LIPC: variants seen among roughly 807,000 people sequenced by gnomAD.
LIPC encodes lipase C, hepatic type, also known as hepatic triacylglycerol lipase.
Under a neutral mutation model 50.7 loss-of-function variants are expected in LIPC, and 44 were observed. The ratio of observed to expected loss-of-function variants is 0.87; its 90% confidence interval spans 0.68 to 1.11. The LOEUF (loss-of-function observed/expected upper bound fraction) is 1.11, where lower values mean the gene tolerates loss of function less well. LIPC is among the 50% of genes most tolerant of loss of function. The pLI is 0.00. For synonymous variants in LIPC, 271 were observed against 256.4 expected (o/e 1.06, Z -0.54); for missense variants, 697 against 648.2 (o/e 1.08, Z -0.82).
intron 8 of LIPC, chr15:58,566,271 A>G (rs1894362613): frequency 1.0e-6 from 1 of 985,346 alleles, no homozygotes. Context: ...TGAGGAGGCC[A>G]AGAGGTGTTC....
intron 1 of LIPC, among the ~76,000 whole-genome samples, chr15:58,481,465 T>C (rs887791666): frequency 3.9e-5 from 6 of 152,066 alleles, no homozygotes; most frequent in Non-Finnish European, 7.4e-5. Flanking sequence ...ACTGGATAAA[T>C]AAATCAGGAT....
At chr15:58,494,990 T>A (rs1891717687) in intron 1 of LIPC, 2 of 412,598 alleles carry the variant, frequency 4.8e-6, no homozygotes, top group African/African-American at 4.1e-5. Context: ...CATCAACCGT[T>A]CCACCGGTCC....
intron 6 of LIPC, among the ~76,000 whole-genome samples, chr15:58,549,745 G>A (rs544219410): frequency 6.6e-6 from 1 of 152,182 alleles, no homozygotes; most frequent in Non-Finnish European, 1.5e-5. Context: ...TTTCTTGTGG[G>A]TGCGCACAGC....
chr15:58,538,256 A>G, intron 1 of LIPC, 77 bp from the exon 2 acceptor site: 2 of 1,404,766 alleles, frequency 1.4e-6, no homozygotes, highest in South Asian at 1.2e-5. Flanking sequence ...TGCTTGTAGA[A>G]GCAGCCTTTG....
Position 58,565,357 on chromosome 15 carries a change from C to A in LIPC, c.1388+1634C>A, listed in dbSNP as rs1336144825. The stretch of plus-strand genomic sequence containing the variant: ...TAGGTGGCTGCTCACCCTGACAATC[C>A]CATGTGGCTTGACCTGAAAGGGTGG... On this transcript the variant is annotated intron_variant, in intron 8 of 8. Coordinates refer to ENST00000299022, the MANE Select transcript of LIPC (RefSeq NM_000236.3). 5 of 1,525,138 alleles carry A rather than the reference C, an allele frequency of 3.3e-6. No individual in the cohort carries two copies. In the African/African-American group the frequency reaches 6.9e-5, roughly 21 times the overall value. The allele number at this position is 1,525,138 out of a possible 1,614,324, so 94.5% of individuals were successfully genotyped here.
intron 1 of LIPC, among the ~76,000 whole-genome samples, chr15:58,442,642 C>T (rs1405806176): frequency 1.3e-5 from 2 of 152,262 alleles, no homozygotes; most frequent in East Asian, 1.9e-4. Flanking sequence ...TCAATGAATC[C>T]AGAAAAACAC....
At chr15:58,497,234 G>A (rs530469510) in intron 1 of LIPC, among the ~76,000 whole-genome samples, 5 of 152,114 alleles carry the variant, frequency 3.3e-5, no homozygotes, top group Admixed American at 2.0e-4. Context: ...ACCCCCGACC[G>A]AATGACAAAT....
chr15:58,499,336 A>T (rs1363911483), intron 1 of LIPC, among the ~76,000 whole-genome samples: 1 of 152,196 alleles, frequency 6.6e-6, no homozygotes, highest in African/African-American at 2.4e-5. Context: ...AAACAGACTC[A>T]CACATAGTGG....
intron 7 of LIPC, 68 bp downstream of exon 7, chr15:58,561,049 C>G (rs1202411331): frequency 3.5e-6 from 3 of 852,370 alleles, no homozygotes; most frequent in Non-Finnish European, 6.2e-6. Context: ...TAAATGGACT[C>G]TGTAATTTTC....
chr15:58,524,940 A>C (rs1892758625), intron 1 of LIPC, among the ~76,000 whole-genome samples: 1 of 152,074 alleles, frequency 6.6e-6, no homozygotes, highest in African/African-American at 2.4e-5. Flanking sequence ...ATGTAGTCTA[A>C]TTTAACAATC....
chr15:58,469,461 G>A (rs1894703371), intron 1 of LIPC, among the ~76,000 whole-genome samples: 1 of 152,100 alleles, frequency 6.6e-6, no homozygotes, highest in Non-Finnish European at 1.5e-5. Context: ...AGGGGATTTG[G>A]CTTGGGCTCA....
intron 1 of LIPC, among the ~76,000 whole-genome samples, chr15:58,512,963 A>C (rs1475654605): frequency 2.8e-5 from 4 of 144,418 alleles, no homozygotes; most frequent in Non-Finnish European, 1.5e-5. Context: ...GCATCAACGA[A>C]AAAAAAAAAA....
chr15:58,487,893 A>C (rs1347996664), intron 1 of LIPC, among the ~76,000 whole-genome samples: 1 of 152,214 alleles, frequency 6.6e-6, no homozygotes, highest in Non-Finnish European at 1.5e-5. Flanking sequence ...CAGGAAGGCT[A>C]AAGTCAGGAA....
intron 2 of LIPC, 125 bp from the exon 3 acceptor site, chr15:58,541,643 TCTGGCCCAAAATGTCAA>T: frequency 1.2e-6 from 1 of 850,098 alleles, no homozygotes; most frequent in Non-Finnish European, 1.9e-6. Flanking sequence ...CAAGGAATTC[TCTGGCCCAAAATGTCAA>T]CTGTGCATGG....
chr15:58,443,978 G>A (rs1205922021), intron 1 of LIPC, among the ~76,000 whole-genome samples: 1 of 152,208 alleles, frequency 6.6e-6, no homozygotes, highest in Non-Finnish European at 1.5e-5. Flanking sequence ...AATCACAATG[G>A]TGGAGTGTCA....
intron 2 of LIPC, among the ~76,000 whole-genome samples, chr15:58,539,086 G>T (rs1413505770): frequency 6.6e-6 from 1 of 152,216 alleles, no homozygotes; most frequent in Non-Finnish European, 1.5e-5. Context: ...CCATCTTGGG[G>T]TGTGACCCTC....
intron 1 of LIPC, among the ~76,000 whole-genome samples, chr15:58,515,836 C>G (rs1892467667): frequency 6.6e-6 from 1 of 152,092 alleles, no homozygotes; most frequent in Non-Finnish European, 1.5e-5. Context: ...ACTCACAGAG[C>G]TGGGGACAGA....
At chr15:58,542,039 G>T in intron 3 of LIPC, 72 bp downstream of exon 3, 3 of 1,503,234 alleles carry the variant, frequency 2.0e-6, no homozygotes, top group Non-Finnish European at 2.7e-6. Context: ...AATGAATTAA[G>T]CTGGTCTCCA....
At chr15:58,502,103 A>G (rs1459004534) in intron 1 of LIPC, among the ~76,000 whole-genome samples, 1 of 152,104 alleles carries the variant, frequency 6.6e-6, no homozygotes, top group Non-Finnish European at 1.5e-5. Flanking sequence ...TGCCAGGGAG[A>G]GAGAGCCTTG....
Sources: gnomAD v4.1 joint callset for allele counts (sites outside exome capture counted in the v4.1 genomes callset) on GRCh38, gnomAD v4.1.1 for gene constraint, MANE v1.5 for transcripts, NCBI Gene and HGNC (gene_info 2026-07-23, HGNC 2026-07-21) for gene names.